The following FNTB variants were observed in gnomAD, a reference collection of about 807,000 sequenced individuals.
The protein encoded by FNTB is farnesyltransferase, CAAX box, subunit beta.
A neutral mutation model predicts 59.4 loss-of-function variants in FNTB; 27 were observed. That is an observed-to-expected ratio of 0.45 (90% CI 0.34 to 0.63). The LOEUF (loss-of-function observed/expected upper bound fraction) is 0.63, where lower values mean the gene tolerates loss of function less well. Ranked by LOEUF, FNTB falls within the 20% of genes least tolerant of loss-of-function variation. FNTB has a pLI of 0.02. For synonymous variants in FNTB, 230 were observed against 220.7 expected (o/e 1.04, Z -0.37); for missense variants, 449 against 559.6 (o/e 0.80, Z 1.99).
chr14:65,012,532 G>A lies in FNTB; in HGVS notation c.282+143G>A, dbSNP rs2061700380. 1.9e-5 allele frequency: 22 copies of A among 1,161,192 alleles called. No individual in the cohort carries two copies. In the South Asian group the frequency reaches 2.9e-4, roughly 15 times the overall value. 71.9% of individuals were successfully genotyped at this position (1,161,192 alleles called of 1,614,324 possible). On this transcript the variant is annotated intron_variant, in intron 3 of 11. Coordinates refer to ENST00000246166, the MANE Select transcript of FNTB (RefSeq NM_002028.4). The surrounding 1 kb of genome is among the most constrained non-coding windows in gnomAD (Gnocchi z 5.0). ...CTGTGGCTCTGGCAGGAGGTAGGGT[G>A]CTGTCACAGAGCTGGGACTCAGCCC...
intron 8 of FNTB, among the ~76,000 whole-genome samples, chr14:65,043,249 A>C (rs1023746125): frequency 2.4e-4 from 36 of 152,224 alleles, no homozygotes; most frequent in Non-Finnish European, 4.6e-4. Flanking sequence ...ACCCATGACT[A>C]TCTTGATCTT....
rs1370590103 is a variant in FNTB, at chr14:64,991,760, A to G, written c.144+4663A>G. ...AGAACGTGGAACTGGGTGGGCTGTAAAAAATAGAGTTTGGGGCAGCCATTC... is the reference window on the plus strand; with the variant it reads ...AGAACGTGGAACTGGGTGGGCTGTAGAAAATAGAGTTTGGGGCAGCCATTC... On this transcript the variant is annotated intron_variant, in intron 1 of 11. Transcript: ENST00000246166. This position sits in a 1 kb window ranked among gnomAD's most constrained non-coding sequence, Gnocchi z 4.4. Among the ~76,000 whole-genome samples the G allele has an allele frequency of 4.6e-5, 7 of 152,118 alleles. No homozygotes were observed. The highest frequency in any genetic ancestry group is 4.6e-4 in the Admixed American group (7 of 15,266).
At position 65,054,786 on chromosome 14, in the gene FNTB, G is replaced by A. The variant is rs925508999; in HGVS notation, c.1182+97G>A. ...AGAACTGGCTCTGCATTTCCTGTGT[G>A]GACAGGCGGAAGCTTGTGGTCCCTC... On this transcript the variant is annotated intron_variant, in intron 11 of 11. Coordinates refer to ENST00000246166, the MANE Select transcript of FNTB (RefSeq NM_002028.4). The surrounding 1 kb of genome is among the most constrained non-coding windows in gnomAD (Gnocchi z 4.4). 2 of 1,336,342 alleles carry A rather than the reference G, an allele frequency of 1.5e-6. No individual in the cohort carries two copies. The highest frequency in any genetic ancestry group is 1.5e-5 in the African/African-American group (1 of 68,870). The allele number at this position is 1,336,342 out of a possible 1,614,324, so 82.8% of individuals were successfully genotyped here.
chr14:65,043,352 T>C (rs889571405), intron 8 of FNTB, among the ~76,000 whole-genome samples: 3 of 152,222 alleles, frequency 2.0e-5, no homozygotes, highest in African/African-American at 4.8e-5. Context: ...AGACCTATTT[T>C]ACAGCTTCAA....
At chr14:65,037,432 T>TTTTTTTTTTTTTG (rs2062224812) in intron 7 of FNTB, among the ~76,000 whole-genome samples, 1 of 119,506 alleles carries the variant, frequency 8.4e-6, no homozygotes, top group Admixed American at 9.4e-5. Flanking sequence ...TTTTTTTTTT[T>TTTTTTTTTTTTTG]TTTTTTTTTT....
chr14:65,032,485 C>G lies in FNTB; in HGVS notation c.606-125C>G. 1 of 967,226 alleles carries G rather than the reference C, an allele frequency of 1.0e-6. No homozygotes were observed. The highest frequency in any genetic ancestry group is 1.5e-6 in the Non-Finnish European group (1 of 676,378). 59.9% of individuals were successfully genotyped at this position (967,226 alleles called of 1,614,324 possible). Reference sequence around the variant, plus strand: ...GAGACCCAGGAGGACTGACCGTGTGCCAAGAGTGAGGACAGGAGGTGATTA... The same window carrying G: ...GAGACCCAGGAGGACTGACCGTGTGGCAAGAGTGAGGACAGGAGGTGATTA... On this transcript the variant is annotated intron_variant, in intron 6 of 11. Transcript: ENST00000246166. The surrounding 1 kb of genome is among the most constrained non-coding windows in gnomAD (Gnocchi z 5.0).
At chr14:65,059,903 G>A (rs2062823277) in intron 11 of FNTB, among the ~76,000 whole-genome samples, 1 of 140,788 alleles carries the variant, frequency 7.1e-6, no homozygotes, top group Non-Finnish European at 1.5e-5. Flanking sequence ...GCACAATCTT[G>A]GCTCACTGCA....
intron 11 of FNTB, among the ~76,000 whole-genome samples, chr14:65,059,124 G>A (rs1198755070): frequency 6.6e-6 from 1 of 152,134 alleles, no homozygotes; most frequent in Non-Finnish European, 1.5e-5. Context: ...CTGGGCTCAA[G>A]CTATCCTCCT....
In FNTB at chr14:65,047,611, C is replaced by T. The variant is rs942527346; in HGVS notation, c.955+3168C>T. ...TTTTTGGAGGGCAGTTTGGAGACAT[C>T]CATTTAAATTATAAGGGCACTTACC... On this transcript the variant is annotated intron_variant, in intron 9 of 11. Coordinates refer to ENST00000246166, the MANE Select transcript of FNTB (RefSeq NM_002028.4). The surrounding 1 kb of genome is among the most constrained non-coding windows in gnomAD (Gnocchi z 5.2). Among the ~76,000 whole-genome samples, 5 of 152,136 alleles carry T rather than the reference C, an allele frequency of 3.3e-5. No individual in the cohort carries two copies. Among genetic ancestry groups the T allele is most frequent in the African/African-American group, 1.2e-4 (5 of 41,416 alleles).
rs1467170977 is a variant in FNTB, at chr14:65,040,888, G to A, written c.791G>A (p.Arg264Lys). 2.5e-6 allele frequency: 4 copies of A among 1,613,862 alleles called. No homozygotes were observed. The highest frequency in any genetic ancestry group is 3.4e-6 in the Non-Finnish European group (4 of 1,179,940). The change falls in exon 8 of 12, where the codon AGG becomes AAG. Residue 264 changes from arginine to lysine, a missense_variant. This residue lies in a region of FNTB where 337 missense variants were observed against 479.1 expected (regional missense o/e 0.70). Transcript: ENST00000246166. ...CGLAALVILK[R>K]ERSLNLKSLL... Reference sequence around the variant, plus strand: ...CTGGCCGCGCTGGTAATCCTCAAGAGGGAACGTTCCTTGAACTTGAAGAGC... The same window carrying A: ...CTGGCCGCGCTGGTAATCCTCAAGAAGGAACGTTCCTTGAACTTGAAGAGC...
In FNTB at chr14:65,018,484, T is replaced by A. The variant is rs370746380; in HGVS notation, c.374+2768T>A. ...GAACCAGAAAGATACATGTAGTAGT[T>A]ATTTCTGGACGATGGGGTTAAAAGT... is the stretch of plus-strand genomic sequence containing the variant. On this transcript the variant is annotated intron_variant, in intron 4 of 11. Coordinates refer to ENST00000246166, the MANE Select transcript of FNTB (RefSeq NM_002028.4). Among the ~76,000 whole-genome samples, 185 of 152,284 alleles carry A rather than the reference T, an allele frequency of 1.2e-3. 1 individual carries two copies. The highest frequency in any genetic ancestry group is 4.0e-3 in the African/African-American group (168 of 41,572).
At chr14:65,005,352 A>G (rs1038568061) in intron 2 of FNTB, among the ~76,000 whole-genome samples, 6 of 152,030 alleles carry the variant, frequency 3.9e-5, no homozygotes, top group Non-Finnish European at 2.9e-5. Flanking sequence ...TTTTGAAACC[A>G]TTATTTGTTA....
chr14:65,036,377 C>G (rs1030906334), intron 7 of FNTB, among the ~76,000 whole-genome samples: 1 of 151,780 alleles, frequency 6.6e-6, no homozygotes, highest in African/African-American at 2.4e-5. Context: ...GCCAGGACTG[C>G]AGGTGTATGC....
rs143168402 is a variant in FNTB, at chr14:65,030,091, C to G, written c.605+2310C>G. 3.4e-3 allele frequency among the ~76,000 whole-genome samples: 514 copies of G among 152,324 alleles called. 1 individual carries two copies. The highest frequency in any genetic ancestry group is 0.012 in the African/African-American group (488 of 41,556). ...GCGTGAGACCTGGGACTCCTGTCTTCTGTCATCACTTCTTAGTCCTCACAC... is the reference window on the plus strand; with the variant it reads ...GCGTGAGACCTGGGACTCCTGTCTTGTGTCATCACTTCTTAGTCCTCACAC... On this transcript the variant is annotated intron_variant, in intron 6 of 11. Coordinates refer to ENST00000246166, the MANE Select transcript of FNTB (RefSeq NM_002028.4). This position sits in a 1 kb window ranked among gnomAD's most constrained non-coding sequence, Gnocchi z 4.5.
At chr14:65,038,299 A>G (rs1024075139) in intron 7 of FNTB, among the ~76,000 whole-genome samples, 1 of 151,690 alleles carries the variant, frequency 6.6e-6, no homozygotes, top group African/African-American at 2.4e-5. Flanking sequence ...AATCCCAGCT[A>G]CTCGGGAGGC....
rs571684509 is a variant in FNTB at position 65,012,080 on chromosome 14, G to A, written c.210-237G>A. 17 of 469,240 alleles carry A rather than the reference G, an allele frequency of 3.6e-5. No individual in the cohort carries two copies. Among genetic ancestry groups the A allele is most frequent in the East Asian group, 3.5e-4 (9 of 25,386 alleles). 29.1% of individuals were successfully genotyped at this position (469,240 alleles called of 1,614,324 possible). On this transcript the variant is annotated intron_variant, in intron 2 of 11. Transcript: ENST00000246166. The surrounding 1 kb of genome is among the most constrained non-coding windows in gnomAD (Gnocchi z 5.0). ...AAGTCACTGCCTTTAGGAGACAATCGCACTCTAAATGTCAGCTGGCATGGT... is the reference window on the plus strand; with the variant it reads ...AAGTCACTGCCTTTAGGAGACAATCACACTCTAAATGTCAGCTGGCATGGT...
chr14:65,049,939 G>GA (rs2062569417), intron 9 of FNTB, among the ~76,000 whole-genome samples: 1 of 151,608 alleles, frequency 6.6e-6, no homozygotes, highest in Non-Finnish European at 1.5e-5. Context: ...AATCGTGAAG[G>GA]AAAAATCAAT....
At position 65,044,448 on chromosome 14, in the gene FNTB, G is replaced by A; in HGVS notation, c.955+5G>A. On this transcript the variant is annotated splice_donor_5th_base_variant and intron_variant, in intron 9 of 11. Coordinates refer to ENST00000246166, the MANE Select transcript of FNTB (RefSeq NM_002028.4). This position sits in a 1 kb window ranked among gnomAD's most constrained non-coding sequence, Gnocchi z 5.5. Reference sequence around the variant, plus strand: ...ACCGCGCACTGCACGCCCAAGGTGAGCCTGGGGAGCTGTTCACTTGGGGCT... The same window carrying A: ...ACCGCGCACTGCACGCCCAAGGTGAACCTGGGGAGCTGTTCACTTGGGGCT... The A allele has an allele frequency of 6.3e-7, 1 of 1,599,342 alleles. No homozygotes were observed. Among genetic ancestry groups the A allele is most frequent in the Non-Finnish European group, 8.5e-7 (1 of 1,174,790 alleles).
At chr14:65,051,401 A>G (rs1241770470) in intron 9 of FNTB, among the ~76,000 whole-genome samples, 1 of 152,222 alleles carries the variant, frequency 6.6e-6, no homozygotes, top group Non-Finnish European at 1.5e-5. Flanking sequence ...ACCTGAGGTC[A>G]GGAGTTAGAG....
Sources: gnomAD v4.1 joint callset for allele counts (sites outside exome capture counted in the v4.1 genomes callset) on GRCh38, gnomAD v4.1.1 for gene constraint, gnomAD v4.1.1 regional missense constraint, Gnocchi (gnomAD v3.1) non-coding constraint, MANE v1.5 for transcripts, NCBI Gene and HGNC (gene_info 2026-07-23, HGNC 2026-07-21) for gene names.